Variants in HEMK2 observed in about 807,000 individuals in gnomAD.
HEMK2 encodes methyltransferase HEMK2.
At chr21:28,601,410 A>C in the HEMK2 span, among the ~76,000 whole-genome samples, 1 of 152,102 alleles carries the variant, frequency 6.6e-6, no homozygotes, top group Admixed American at 6.5e-5. Flanking sequence ...TTGGAACATT[A>C]GTCTCCCAGA....
the HEMK2 span, among the ~76,000 whole-genome samples, chr21:28,599,849 G>T: frequency 6.6e-6 from 1 of 152,150 alleles, no homozygotes; most frequent in Non-Finnish European, 1.5e-5. Context: ...AAACAAAGGG[G>T]CTACAGAGAC....
the HEMK2 span, among the ~76,000 whole-genome samples, chr21:28,733,235 T>G: frequency 6.6e-6 from 1 of 152,128 alleles, no homozygotes; most frequent in Non-Finnish European, 1.5e-5. Context: ...GCCGAGATCG[T>G]GCCACTGCAG....
the HEMK2 span, among the ~76,000 whole-genome samples, chr21:28,771,521 C>CCCCCCCGA: frequency 1.5e-5 from 2 of 131,554 alleles, no homozygotes; most frequent in East Asian, 5.2e-4. Context: ...ATGCACCACC[C>CCCCCCCGA]CCCCCCGCCA....
chr21:28,691,948 T>G, the HEMK2 span, among the ~76,000 whole-genome samples: 1 of 152,202 alleles, frequency 6.6e-6, no homozygotes, highest in African/African-American at 2.4e-5. Flanking sequence ...TCTCCAAATT[T>G]CAAAGTTTAT....
At chr21:28,831,550 G>A in the HEMK2 span, among the ~76,000 whole-genome samples, 341 of 65,860 alleles carry the variant, frequency 5.2e-3, 1 homozygote, top group Middle Eastern at 9.1e-3. Flanking sequence ...AAGGAAAGAA[G>A]GAAAGAAGGA....
At chr21:28,771,518 AC>A in the HEMK2 span, among the ~76,000 whole-genome samples, 3,852 of 105,644 alleles carry the variant, frequency 0.036, 294 homozygotes, top group Non-Finnish European at 0.046. Flanking sequence ...AAGATGCACC[AC>A]CCCCCCCCGC....
the HEMK2 span, among the ~76,000 whole-genome samples, chr21:28,609,542 C>A: frequency 3.9e-5 from 5 of 128,170 alleles, no homozygotes; most frequent in South Asian, 2.8e-4. Context: ...GGATTTAAAC[C>A]AAGAAGAAAC....
At chr21:28,634,659 G>A in the HEMK2 span, among the ~76,000 whole-genome samples, 3 of 152,152 alleles carry the variant, frequency 2.0e-5, no homozygotes, top group Non-Finnish European at 4.4e-5. Flanking sequence ...TTGAGTCCTT[G>A]GGGTAGTTGT....
the HEMK2 span, among the ~76,000 whole-genome samples, chr21:28,863,446 A>T: frequency 4.8e-5 from 4 of 83,698 alleles, no homozygotes; most frequent in Non-Finnish European, 9.8e-5. Context: ...ATATATATAT[A>T]TATATATATA....
the HEMK2 span, among the ~76,000 whole-genome samples, chr21:28,640,956 ATTAAAGGAATATTC>A: frequency 2.5e-3 from 385 of 152,356 alleles, 3 homozygotes; most frequent in Non-Finnish European, 1.0e-3. Context: ...TCAGAAGGAA[ATTAAAGGAATATTC>A]TACCCTACCG....
At chr21:28,656,686 G>C in the HEMK2 span, among the ~76,000 whole-genome samples, 1 of 151,920 alleles carries the variant, frequency 6.6e-6, no homozygotes, top group Non-Finnish European at 1.5e-5. Context: ...CACGACCAAA[G>C]ACATACTAAT....
chr21:28,822,070 T>A, the HEMK2 span, among the ~76,000 whole-genome samples: 1 of 152,212 alleles, frequency 6.6e-6, no homozygotes, highest in Non-Finnish European at 1.5e-5. Flanking sequence ...CTCTATCATG[T>A]AGAATATTAC....
At chr21:28,792,024 T>C in the HEMK2 span, among the ~76,000 whole-genome samples, 3 of 152,172 alleles carry the variant, frequency 2.0e-5, no homozygotes, top group Non-Finnish European at 4.4e-5. Flanking sequence ...CCACTGCTCA[T>C]TATATGCTAA....
At chr21:28,692,870 A>G in the HEMK2 span, among the ~76,000 whole-genome samples, 1 of 152,164 alleles carries the variant, frequency 6.6e-6, no homozygotes, top group African/African-American at 2.4e-5. Flanking sequence ...TGAAAACATT[A>G]TACTAAGTCA....
At chr21:28,884,080 ATC>A in the HEMK2 span, among the ~76,000 whole-genome samples, 1 of 152,200 alleles carries the variant, frequency 6.6e-6, no homozygotes, top group African/African-American at 2.4e-5. Flanking sequence ...AGGTCTGAGA[ATC>A]TCACCAGGTG....
the HEMK2 span, among the ~76,000 whole-genome samples, chr21:28,668,412 T>C: frequency 6.6e-6 from 1 of 152,168 alleles, no homozygotes. Flanking sequence ...TTCCTCAGTC[T>C]AAGACTTATA....
the HEMK2 span, among the ~76,000 whole-genome samples, chr21:28,856,694 C>G: frequency 6.6e-6 from 1 of 152,156 alleles, no homozygotes; most frequent in Non-Finnish European, 1.5e-5. Context: ...CAGCACAGAG[C>G]CAGGGATCCC....
the HEMK2 span, among the ~76,000 whole-genome samples, chr21:28,688,788 GC>G: frequency 1.3e-5 from 2 of 151,950 alleles, no homozygotes; most frequent in Non-Finnish European, 2.9e-5. Flanking sequence ...TATATAATAT[GC>G]CCATATAAAC....
the HEMK2 span, among the ~76,000 whole-genome samples, chr21:28,682,213 C>T: frequency 6.6e-6 from 1 of 151,838 alleles, no homozygotes; most frequent in African/African-American, 2.4e-5. Flanking sequence ...AAGAAAAAAA[C>T]AAACAACCCC....
Sources: allele counts gnomAD v4.1 joint callset (sites outside exome capture counted in the v4.1 genomes callset), GRCh38; gene constraint gnomAD v4.1.1; transcripts MANE v1.5; gene names NCBI Gene and HGNC (gene_info 2026-07-23, HGNC 2026-07-21).